CRYL1: variants seen among roughly 807,000 people sequenced by gnomAD.
CRYL1 encodes lambda-crystallin homolog.
Under a neutral mutation model 36.6 loss-of-function variants are expected in CRYL1, and 29 were observed. The ratio of observed to expected loss-of-function variants is 0.79; its 90% CI spans 0.59 to 1.08. The LOEUF is 1.08. CRYL1 is among the 50% of genes least tolerant of loss of function. The pLI, the probability that CRYL1 is intolerant of heterozygous loss-of-function variation, is 0.00. For missense variants in CRYL1, 411 were observed against 407.9 expected, an observed-to-expected ratio of 1.01 and a Z score of -0.06; for synonymous variants, 152 against 151.5, an observed-to-expected ratio of 1.00 and a Z score of -0.02.
At chr13:20,427,691 C>T (rs143429800) in intron 5 of CRYL1, among the ~76,000 whole-genome samples, 230 of 122,174 alleles carry the variant, frequency 1.9e-3, no homozygotes, top group African/African-American at 6.5e-3. Context: ...AGACTGAAAA[C>T]GGGAAAATAA....
At chr13:20,440,378 C>T (rs1351984531) in intron 3 of CRYL1, among the ~76,000 whole-genome samples, 1 of 152,178 alleles carries the variant, frequency 6.6e-6, no homozygotes, top group Non-Finnish European at 1.5e-5. Flanking sequence ...TTCTCCCTTA[C>T]AAAAACCACC....
rs2032199621 is a variant in CRYL1 at position 20,435,782 on chromosome 13, G to A, written c.439-3486C>T. On this transcript the variant is annotated intron_variant, in intron 4 of 7. Coordinates refer to ENST00000298248, the MANE Select transcript of CRYL1 (RefSeq NM_015974.3). This position sits in a 1 kb window ranked among gnomAD's most constrained non-coding sequence, Gnocchi z 4.0. ...GGCCCCATGTGACCGCGCCGACAGC[G>A]CGGCTGCCCACAGAGACTCCCTTCA... Among the ~76,000 whole-genome samples the A allele has an allele frequency of 6.6e-6, 1 of 152,200 alleles. No homozygotes were observed. The highest frequency in any genetic ancestry group is 2.1e-4 in the South Asian group (1 of 4,836).
intron 3 of CRYL1, among the ~76,000 whole-genome samples, chr13:20,475,080 G>A (rs995193174): frequency 1.6e-4 from 25 of 152,194 alleles, no homozygotes; most frequent in African/African-American, 4.8e-4. Context: ...ATTGCCCAGA[G>A]TGGCGAGTCA....
rs115243071 is a variant in CRYL1, at chr13:20,495,969, T to C, written c.150-6473A>G. Among the ~76,000 whole-genome samples, 947 of 152,324 alleles carry C rather than the reference T, an allele frequency of 6.2e-3. 7 individuals carry two copies. Among genetic ancestry groups the C allele is most frequent in the African/African-American group, 0.021 (891 of 41,574 alleles). On this transcript the variant is annotated intron_variant, in intron 2 of 7. Transcript: ENST00000298248. ...TGCACCACCACACCCAACTGATTTT[T>C]GTATTTTTTAGTGGAGACGGGTTTT...
chr13:20,420,530 A>AC (rs1185807913), intron 5 of CRYL1, among the ~76,000 whole-genome samples: 1 of 151,536 alleles, frequency 6.6e-6, no homozygotes, highest in Middle Eastern at 3.2e-3. Context: ...AAAGAAAAAA[A>AC]AAAAAGACCA....
intron 3 of CRYL1, among the ~76,000 whole-genome samples, chr13:20,443,006 G>C (rs2032380075): frequency 1.3e-5 from 2 of 152,214 alleles, no homozygotes; most frequent in South Asian, 4.1e-4. Flanking sequence ...AGGTGAGGCA[G>C]AGTTTAGACA....
chr13:20,485,344 G>A (rs2033374106), intron 3 of CRYL1, among the ~76,000 whole-genome samples: 2 of 152,076 alleles, frequency 1.3e-5, no homozygotes, highest in South Asian at 4.2e-4. Flanking sequence ...AAATTCAGAG[G>A]ATTAAATTTG....
At chr13:20,432,605 G>A (rs2032095532) in intron 4 of CRYL1, among the ~76,000 whole-genome samples, 1 of 152,168 alleles carries the variant, frequency 6.6e-6, no homozygotes, top group South Asian at 2.1e-4. Flanking sequence ...CCAGGACAGA[G>A]TTTCTCTGCT....
chr13:20,502,865 T>C (rs1197355822), intron 2 of CRYL1, among the ~76,000 whole-genome samples: 2 of 152,170 alleles, frequency 1.3e-5, no homozygotes, highest in Non-Finnish European at 2.9e-5. Context: ...AGGGAGACAA[T>C]GGCCAGTCAA....
At position 20,476,393 on chromosome 13, in the gene CRYL1, G is replaced by GTC. The variant is rs796900413; in HGVS notation, c.276+12975_276+12976dup. Among the ~76,000 whole-genome samples, 75 of 151,842 alleles carry GTC rather than the reference G, an allele frequency of 4.9e-4. 1 individual carries two copies. The highest frequency in any genetic ancestry group is 1.5e-3 in the African/African-American group (64 of 41,398). ...AAAAGGAAAAACGAAAGGCAGGAAG[G>GTC]TCTCTGCTGGGCAGCAGGGACTGAT... On this transcript the variant is annotated intron_variant, in intron 3 of 7. Transcript: ENST00000298248.
rs193258294 is a variant in CRYL1, at chr13:20,499,214, C to T, written c.150-9718G>A. 3.1e-3 allele frequency among the ~76,000 whole-genome samples: 471 copies of T among 152,052 alleles called. 15 individuals carry two copies. The South Asian group carries it at 0.074, about 24-fold the overall frequency. On this transcript the variant is annotated intron_variant, in intron 2 of 7. Coordinates refer to ENST00000298248, the MANE Select transcript of CRYL1 (RefSeq NM_015974.3). ...TACAAAAATTAGCTGGGTGTGATGGCGCATGCCTGTAGTCTCAGCTACTCT... is the reference window on the plus strand; with the variant it reads ...TACAAAAATTAGCTGGGTGTGATGGTGCATGCCTGTAGTCTCAGCTACTCT...
intron 2 of CRYL1, among the ~76,000 whole-genome samples, chr13:20,502,663 A>C (rs2137493507): frequency 6.6e-6 from 1 of 152,044 alleles, no homozygotes; most frequent in African/African-American, 2.4e-5. Context: ...TCAAAAAAAA[A>C]AGGTCTCCTC....
intron 5 of CRYL1, chr13:20,431,796 G>T (rs1481759756): frequency 1.5e-6 from 2 of 1,291,514 alleles, no homozygotes; most frequent in African/African-American, 1.5e-5. Context: ...AAATGCAGTG[G>T]GCCACATAGG....
intron 5 of CRYL1, among the ~76,000 whole-genome samples, chr13:20,414,381 C>T (rs981094740): frequency 3.3e-5 from 5 of 152,066 alleles, no homozygotes; most frequent in African/African-American, 9.6e-5. Flanking sequence ...CTACAACCTA[C>T]GGACCGCCTG....
intron 2 of CRYL1, among the ~76,000 whole-genome samples, chr13:20,490,665 G>A (rs190361315): frequency 4.6e-5 from 7 of 151,622 alleles, no homozygotes; most frequent in African/African-American, 1.5e-4. Flanking sequence ...GGGATGGGGT[G>A]GGGGGGCATG....
intron 3 of CRYL1, among the ~76,000 whole-genome samples, chr13:20,452,537 A>C (rs1163717659): frequency 6.6e-6 from 1 of 152,218 alleles, no homozygotes; most frequent in Non-Finnish European, 1.5e-5. Context: ...TACAAAATAC[A>C]TGAAGTTGTT....
intron 3 of CRYL1, among the ~76,000 whole-genome samples, chr13:20,463,377 T>C (rs1438782641): frequency 2.1e-5 from 3 of 142,656 alleles, no homozygotes; most frequent in African/African-American, 7.8e-5. Context: ...CCAAGTAAGA[T>C]TAAGACACAT....
chr13:20,430,848 TTAAA>T (rs2032042954), intron 5 of CRYL1: 2 of 985,106 alleles, frequency 2.0e-6, no homozygotes, highest in Non-Finnish European at 2.4e-6. Context: ...TGGAAATATT[TTAAA>T]TAAATCTCCA....
chr13:20,432,880 T>A (rs1157244547), intron 4 of CRYL1, among the ~76,000 whole-genome samples: 1 of 151,952 alleles, frequency 6.6e-6, no homozygotes, highest in East Asian at 1.9e-4. Context: ...TAGCTAGGTG[T>A]GGTGTTGTGT....
Sources: gnomAD v4.1 joint callset for allele counts (sites outside exome capture counted in the v4.1 genomes callset) on GRCh38, gnomAD v4.1.1 for gene constraint, Gnocchi (gnomAD v3.1) non-coding constraint, MANE v1.5 for transcripts, NCBI Gene and HGNC (gene_info 2026-07-23, HGNC 2026-07-21) for gene names.